Variants in METTL25 observed in about 807,000 individuals in gnomAD.
METTL25 encodes the protein methyltransferase like 25, also known as probable methyltransferase-like protein 25.
Under a neutral mutation model 71.6 loss-of-function variants are expected in METTL25, and 64 were observed. The ratio of observed to expected loss-of-function variants is 0.89; its 90% CI spans 0.73 to 1.10. The LOEUF (loss-of-function observed/expected upper bound fraction) is 1.10. Among genes scored for constraint, METTL25 ranks in the 50% least tolerant of loss-of-function variants. The pLI is 0.00. For missense variants in METTL25, 807 were observed against 707.0 expected (o/e 1.14, Z -1.60); for synonymous variants, 287 against 250.3 (o/e 1.15, Z -1.38).
intron 5 of METTL25, among the ~76,000 whole-genome samples, chr12:82,418,589 CTTG>C (rs1888189812): frequency 6.6e-6 from 1 of 152,118 alleles, no homozygotes; most frequent in Non-Finnish European, 1.5e-5. Flanking sequence ...TATTTCTCAT[CTTG>C]TTTAGTATAA....
At chr12:82,404,869 A>T (rs562786797) in intron 5 of METTL25, among the ~76,000 whole-genome samples, 1 of 152,124 alleles carries the variant, frequency 6.6e-6, no homozygotes, top group Admixed American at 6.5e-5. Context: ...TCTTGAACCC[A>T]GGAGGCACAG....
At chr12:82,426,769 CAA>C (rs1309516040) in intron 5 of METTL25, among the ~76,000 whole-genome samples, 1 of 151,938 alleles carries the variant, frequency 6.6e-6, no homozygotes, top group Non-Finnish European at 1.5e-5. Flanking sequence ...CACCTGGAAA[CAA>C]GAGGGATCCC....
intron 5 of METTL25, among the ~76,000 whole-genome samples, chr12:82,417,787 A>T (rs1374713422): frequency 2.0e-5 from 3 of 152,114 alleles, no homozygotes; most frequent in Non-Finnish European, 2.9e-5. Flanking sequence ...AAATAAAGCA[A>T]TGTGAGTTTG....
At chr12:82,460,252 T>G (rs2137267033) in intron 9 of METTL25, among the ~76,000 whole-genome samples, 1 of 152,208 alleles carries the variant, frequency 6.6e-6, no homozygotes, top group East Asian at 1.9e-4. Flanking sequence ...AAAAACAAAT[T>G]GAATAAATAA....
intron 3 of METTL25, among the ~76,000 whole-genome samples, chr12:82,392,099 A>G (rs1282838356): frequency 2.0e-5 from 3 of 146,720 alleles, no homozygotes; most frequent in Admixed American, 6.8e-5. Flanking sequence ...TTTATTTTTT[A>G]TTTATTTTAT....
At chr12:82,374,802 A>T (rs1222434716) in intron 1 of METTL25, among the ~76,000 whole-genome samples, 1 of 152,258 alleles carries the variant, frequency 6.6e-6, no homozygotes, top group African/African-American at 2.4e-5. Flanking sequence ...GTAGCTAAAA[A>T]TAATGTCAGA....
rs1240951520 is a variant in METTL25 at position 82,449,561 on chromosome 12, C to T, written c.1479-7166C>T. ...TCCAGGACCTCTGGAAGGTGAAATT[C>T]TGGGTTTTTTAAAATCCAGTTTAGA... On this transcript the variant is annotated intron_variant, in intron 8 of 11. Coordinates refer to ENST00000248306, the MANE Select transcript of METTL25 (RefSeq NM_032230.3). Among the ~76,000 whole-genome samples the T allele has an allele frequency of 1.2e-4, 18 of 152,226 alleles. No homozygotes were observed. In the South Asian group the frequency reaches 3.5e-3, roughly 30 times the overall value.
intron 1 of METTL25, among the ~76,000 whole-genome samples, chr12:82,380,604 A>G (rs918256434): frequency 2.6e-5 from 4 of 152,304 alleles, no homozygotes; most frequent in African/African-American, 9.6e-5. Context: ...GAGCAGGTAA[A>G]TAAATTGCTC....
intron 8 of METTL25, among the ~76,000 whole-genome samples, chr12:82,447,683 A>G (rs560494498): frequency 6.6e-6 from 1 of 152,292 alleles, no homozygotes; most frequent in South Asian, 2.1e-4. Flanking sequence ...GAAGAGGAGA[A>G]GTACATATAG....
chr12:82,385,409 A>G (rs1306435587), intron 1 of METTL25, among the ~76,000 whole-genome samples: 1 of 152,134 alleles, frequency 6.6e-6, no homozygotes, highest in Non-Finnish European at 1.5e-5. Context: ...TTTTGGTAGA[A>G]CTAAACTTCT....
intron 9 of METTL25, among the ~76,000 whole-genome samples, chr12:82,466,022 G>T (rs1892209110): frequency 1.5e-5 from 2 of 132,172 alleles, no homozygotes; most frequent in African/African-American, 5.6e-5. Context: ...TTCACTAATT[G>T]TAGATTTTGT....
chr12:82,464,615 A>G (rs988084885), intron 9 of METTL25, among the ~76,000 whole-genome samples: 20 of 151,834 alleles, frequency 1.3e-4, no homozygotes, highest in Admixed American at 1.2e-3. Flanking sequence ...AACTCCATAC[A>G]AATTTTAAGA....
intron 9 of METTL25, among the ~76,000 whole-genome samples, chr12:82,461,286 TA>T (rs1191604654): frequency 6.6e-6 from 1 of 152,250 alleles, no homozygotes; most frequent in Non-Finnish European, 1.5e-5. Context: ...CAACATGAGA[TA>T]ATTAACGTTT....
At chr12:82,474,483 G>A (rs1425078312) in intron 9 of METTL25, 1 of 152,114 alleles carries the variant, frequency 6.6e-6, no homozygotes, top group Non-Finnish European at 1.5e-5. Flanking sequence ...ACTTTGCGTT[G>A]TTATTTTTTT....
chr12:82,413,901 A>G (rs1887750605), intron 5 of METTL25, among the ~76,000 whole-genome samples: 1 of 151,910 alleles, frequency 6.6e-6, no homozygotes, highest in East Asian at 1.9e-4. Context: ...TACCAGTATA[A>G]TAATGGCCAT....
At chr12:82,477,186 T>C in intron 10 of METTL25, 95 bp from the exon 11 acceptor site, 1 of 586,576 alleles carries the variant, frequency 1.7e-6, no homozygotes, top group East Asian at 2.8e-5. Flanking sequence ...TATAAACTTC[T>C]GTAGATACAT....
chr12:82,383,156 T>C (rs907766396), intron 1 of METTL25, among the ~76,000 whole-genome samples: 3 of 152,128 alleles, frequency 2.0e-5, no homozygotes, highest in Non-Finnish European at 4.4e-5. Context: ...GACTTGATTC[T>C]GAGAGTCAGG....
intron 9 of METTL25, among the ~76,000 whole-genome samples, chr12:82,471,301 G>A (rs761595020): frequency 2.1e-4 from 32 of 152,132 alleles, no homozygotes; most frequent in Non-Finnish European, 3.7e-4. Flanking sequence ...CACTAGATGG[G>A]GCCACATTCT....
At chr12:82,381,817 A>C (rs532660843) in intron 1 of METTL25, among the ~76,000 whole-genome samples, 74 of 152,358 alleles carry the variant, frequency 4.9e-4, no homozygotes, top group Non-Finnish European at 9.1e-4. Context: ...CATTTTAGAA[A>C]ACATGTTCAA....
Sources: allele counts gnomAD v4.1 joint callset (sites outside exome capture counted in the v4.1 genomes callset), GRCh38; gene constraint gnomAD v4.1.1; transcripts MANE v1.5; gene names NCBI Gene and HGNC (gene_info 2026-07-23, HGNC 2026-07-21).